AIG1: variants seen among roughly 807,000 people sequenced by gnomAD.
The protein encoded by AIG1 is androgen-induced gene 1 protein.
A neutral mutation model predicts 31.4 loss-of-function variants in AIG1; 23 were observed. That is an observed-to-expected ratio of 0.73 (90% CI 0.53 to 1.04). AIG1 has a LOEUF of 1.04. Ranked by LOEUF, AIG1 falls within the 50% of genes least tolerant of loss-of-function variation. The pLI, the probability that AIG1 is intolerant of heterozygous loss-of-function variation, is 0.00. For synonymous variants in AIG1, 100 were observed against 110.5 expected, an observed-to-expected ratio of 0.90 and a Z score of 0.60; for missense variants, 274 against 295.0, an observed-to-expected ratio of 0.93 and a Z score of 0.52.
intron 3 of AIG1, among the ~76,000 whole-genome samples, chr6:143,166,305 A>G (rs1435980882): frequency 1.3e-5 from 2 of 152,132 alleles, no homozygotes; most frequent in East Asian, 1.9e-4. Flanking sequence ...TGTCAGTTCA[A>G]TTTAGCCATC....
intron 2 of AIG1, among the ~76,000 whole-genome samples, chr6:143,163,662 C>T (rs1177548650): frequency 6.6e-6 from 1 of 152,182 alleles, no homozygotes; most frequent in Non-Finnish European, 1.5e-5. Context: ...TTATCCACAG[C>T]AGTGCCCCAA....
chr6:143,135,061 GA>G (rs1458368286), intron 1 of AIG1, among the ~76,000 whole-genome samples: 1 of 152,118 alleles, frequency 6.6e-6, no homozygotes, highest in Non-Finnish European at 1.5e-5. Context: ...CGGTTGTCCA[GA>G]TTTGCATTCC....
chr6:143,157,375 G>T lies in AIG1; in HGVS notation c.298-7707G>T, dbSNP rs954297903. On this transcript the variant is annotated intron_variant, in intron 2 of 5. Transcript: ENST00000357847. The stretch of plus-strand genomic sequence containing the variant: ...CGCAGAGTGCTCTGATTCTCATATT[G>T]GTATTTGCCTCCAGGCAGTCCCAGT... 2.6e-5 allele frequency among the ~76,000 whole-genome samples: 4 copies of T among 151,104 alleles called. No individual in the cohort carries two copies. In the East Asian group the frequency reaches 7.8e-4, roughly 29 times the overall value.
At chr6:143,060,330 T>G (rs1042255839), upstream of AIG1, among the ~76,000 whole-genome samples, 6 of 151,918 alleles carry the variant, frequency 3.9e-5, no homozygotes, top group Non-Finnish European at 7.4e-5. Context: ...TGCTCGGGTT[T>G]ACACCCCACG....
chr6:143,259,884 A>T (rs992548985), intron 3 of AIG1, among the ~76,000 whole-genome samples: 23 of 152,168 alleles, frequency 1.5e-4, no homozygotes, highest in African/African-American at 5.5e-4. Context: ...TGAGTTGCCT[A>T]AAAGTTTTAG....
chr6:143,248,667 CTA>C (rs1794780243), intron 3 of AIG1, among the ~76,000 whole-genome samples: 2 of 152,326 alleles, frequency 1.3e-5, no homozygotes, highest in South Asian at 4.1e-4. Context: ...GAGTCAAGCT[CTA>C]TGAGTTCCGT....
At chr6:143,319,876 G>A (rs185392134) in intron 4 of AIG1, among the ~76,000 whole-genome samples, 113 of 151,682 alleles carry the variant, frequency 7.4e-4, no homozygotes, top group Middle Eastern at 3.4e-3. Context: ...GAAATGAGAC[G>A]GCATCATATT....
intron 3 of AIG1, among the ~76,000 whole-genome samples, chr6:143,260,017 CTTTTTTTTTTTT>C (rs35620148): frequency 2.3e-5 from 2 of 85,118 alleles, no homozygotes; most frequent in Non-Finnish European, 4.3e-5. Flanking sequence ...TCTTGTGCTT[CTTTTTTTTTTTT>C]TTTTTTTTTT....
chr6:143,091,662 G>A (rs1195583350), intron 1 of AIG1, among the ~76,000 whole-genome samples: 1 of 152,138 alleles, frequency 6.6e-6, no homozygotes, highest in Admixed American at 6.5e-5. Flanking sequence ...CAGTAGGTTG[G>A]CATCTTAATA....
At position 143,198,460 on chromosome 6, in the gene AIG1, A is replaced by C. The variant is rs116351220; in HGVS notation, c.399+33277A>C. Among the ~76,000 whole-genome samples, 821 of 152,366 alleles carry C rather than the reference A, an allele frequency of 5.4e-3. 11 individuals are homozygous for C. The highest frequency in any genetic ancestry group is 0.016 in the African/African-American group (674 of 41,594). Reference sequence around the variant, plus strand: ...TGTGGTGTTGGGAATAGATGCTCTCATTAGTTGTTAGAAAAATTATAAAAC... The same window carrying C: ...TGTGGTGTTGGGAATAGATGCTCTCCTTAGTTGTTAGAAAAATTATAAAAC... On this transcript the variant is annotated intron_variant, in intron 3 of 5. Transcript: ENST00000357847.
chr6:143,245,116 G>T (rs968059481), intron 3 of AIG1, among the ~76,000 whole-genome samples: 1 of 152,094 alleles, frequency 6.6e-6, no homozygotes, highest in African/African-American at 2.4e-5. Flanking sequence ...ATGAACAAGG[G>T]TTTATTCAGT....
intron 3 of AIG1, among the ~76,000 whole-genome samples, chr6:143,228,284 C>A (rs756117884): frequency 6.6e-6 from 1 of 152,186 alleles, no homozygotes; most frequent in African/African-American, 2.4e-5. Flanking sequence ...TTGTTTTTTT[C>A]GCATCAGGCC....
At chr6:143,155,731 T>C (rs921202893) in intron 2 of AIG1, among the ~76,000 whole-genome samples, 45 of 152,272 alleles carry the variant, frequency 3.0e-4, no homozygotes, top group African/African-American at 1.0e-3. Context: ...GAATGGATAC[T>C]TCAAGTGTGT....
chr6:143,230,077 G>A (rs1793330581), intron 3 of AIG1, among the ~76,000 whole-genome samples: 1 of 152,008 alleles, frequency 6.6e-6, no homozygotes, highest in South Asian at 2.1e-4. Flanking sequence ...GCTTCTATAA[G>A]TCTAAAATAG....
intron 2 of AIG1, among the ~76,000 whole-genome samples, chr6:143,152,803 C>T (rs1785357711): frequency 6.6e-6 from 1 of 152,198 alleles, no homozygotes; most frequent in Admixed American, 6.5e-5. Flanking sequence ...CCTTGCCAAC[C>T]AGACCCTTCA....
intron 1 of AIG1, among the ~76,000 whole-genome samples, chr6:143,085,247 G>A (rs1778656583): frequency 6.6e-6 from 1 of 152,182 alleles, no homozygotes; most frequent in Non-Finnish European, 1.5e-5. Context: ...TTTCCCATCT[G>A]AAAATAGAAC....
intron 5 of AIG1, among the ~76,000 whole-genome samples, chr6:143,336,817 G>A (rs1777527084): frequency 6.6e-6 from 1 of 152,154 alleles, no homozygotes; most frequent in South Asian, 2.1e-4. Flanking sequence ...TTCTCTAGCT[G>A]TGTGTGAACC....
intron 3 of AIG1, chr6:143,189,158 C>T (rs968365692): frequency 1.6e-5 from 8 of 513,218 alleles, no homozygotes; most frequent in African/African-American, 1.2e-4. Flanking sequence ...ATCCTCCTGC[C>T]TCAGCCCCCC....
At chr6:143,108,824 T>C (rs754527394) in intron 1 of AIG1, among the ~76,000 whole-genome samples, 10 of 152,182 alleles carry the variant, frequency 6.6e-5, no homozygotes, top group East Asian at 1.9e-4. Flanking sequence ...GTGTTCTGTT[T>C]ATTTGTATAT....
Sources: allele counts gnomAD v4.1 joint callset (sites outside exome capture counted in the v4.1 genomes callset), GRCh38; gene constraint gnomAD v4.1.1; transcripts MANE v1.5; gene names NCBI Gene and HGNC (gene_info 2026-07-23, HGNC 2026-07-21).